Variants in RNF216 observed in about 807,000 individuals in gnomAD.
RNF216 encodes E3 ubiquitin-protein ligase RNF216.
RNF216 carries 72 observed loss-of-function variants against 110.8 expected under a neutral mutation model. That is an observed-to-expected ratio of 0.65 (90% CI 0.54 to 0.79). The LOEUF (loss-of-function observed/expected upper bound fraction) is 0.79, where lower values mean the gene tolerates loss of function less well. Ranked by LOEUF, RNF216 falls within the 30% of genes least tolerant of loss-of-function variation. The pLI, the probability that RNF216 is intolerant of heterozygous loss-of-function variation, is 0.00. For missense variants in RNF216, 1,342 were observed against 1,141.2 expected (o/e 1.18, Z -2.54); for synonymous variants, 495 against 407.5 (o/e 1.21, Z -2.59).
intron 13 of RNF216, 81 bp downstream of exon 13, chr7:5,711,680 A>G (rs1289156106): frequency 9.2e-7 from 1 of 1,086,912 alleles, no homozygotes; most frequent in Non-Finnish European, 1.4e-6. Context: ...GCAGTCAGGT[A>G]AACAGCAGAT....
intron 11 of RNF216, chr7:5,713,281 A>C (rs192754007): frequency 4.4e-4 from 70 of 158,404 alleles, no homozygotes; most frequent in Admixed American, 9.2e-4. Flanking sequence ...AAACAGGGAC[A>C]TGGGTGGAGC....
chr7:5,639,218 C>T (rs1787583830), intron 15 of RNF216, among the ~76,000 whole-genome samples: 1 of 152,132 alleles, frequency 6.6e-6, no homozygotes, highest in Non-Finnish European at 1.5e-5. Flanking sequence ...AGCCCCTTTG[C>T]TGCTTGGAAT....
chr7:5,729,563 A>G lies in RNF216; in HGVS notation c.1258T>C (p.Leu420=). Residue 420 remains leucine (L), a synonymous_variant, in exon 7 of 17, where the codon TTG becomes CTG. Coordinates refer to ENST00000389902, the MANE Select transcript of RNF216 (RefSeq NM_207111.4). ...AAGCAGCGCTGGTCAAGAGGGGTCAATTTAGAATAGTCAAAAAAGTCTATT... is the reference window on the plus strand; with the variant it reads ...AAGCAGCGCTGGTCAAGAGGGGTCAGTTTAGAATAGTCAAAAAAGTCTATT... The part of the protein sequence containing the change: ...PKIDFFDYSK[L]TPLDQRCFIQ... The G allele has an allele frequency of 6.2e-7, 1 of 1,614,242 alleles. No individual in the cohort carries two copies.
intron 5 of RNF216, among the ~76,000 whole-genome samples, chr7:5,737,016 G>C (rs1287992090): frequency 1.3e-5 from 2 of 152,228 alleles, no homozygotes; most frequent in African/African-American, 4.8e-5. Context: ...ACCCCGTCTG[G>C]GAGGTGTTCC....
At chr7:5,768,646 T>C (rs1380883782) in intron 1 of RNF216, among the ~76,000 whole-genome samples, 1 of 149,616 alleles carries the variant, frequency 6.7e-6, no homozygotes, top group Non-Finnish European at 1.5e-5. Flanking sequence ...TTCTGAAATG[T>C]GAGAAATGAA....
intron 8 of RNF216, 31 bp downstream of exon 8, chr7:5,725,293 T>C: frequency 8.0e-7 from 1 of 1,256,278 alleles, no homozygotes; most frequent in Non-Finnish European, 1.2e-6. Context: ...GTGTTGCAGC[T>C]ACACACTGCC....
rs776647258 is a variant in RNF216 at position 5,725,301 on chromosome 7, G to A, written c.1504+23C>T. ...AGGTACAGTGTTGCAGCTACACACT[G>A]CCACCAACACAGTTTGCATTACCTT... On this transcript the variant is annotated intron_variant, in intron 8 of 16. Transcript: ENST00000389902. 170 of 1,335,892 alleles carry A rather than the reference G, an allele frequency of 1.3e-4. No homozygotes were observed. In the Admixed American group the frequency reaches 2.7e-3, roughly 22 times the overall value. The allele number at this position is 1,335,892 out of a possible 1,614,324, so 82.8% of individuals were successfully genotyped here. A position where few individuals can be genotyped will look rare whatever the true frequency, so the allele number is the denominator to read the frequency against.
chr7:5,689,462 A>T (rs1366184084), intron 13 of RNF216, among the ~76,000 whole-genome samples: 2 of 152,036 alleles, frequency 1.3e-5, no homozygotes, highest in Non-Finnish European at 2.9e-5. Context: ...TCTGTTGTCA[A>T]GTGATCAATA....
chr7:5,754,120 GT>G (rs1379756293), intron 2 of RNF216, among the ~76,000 whole-genome samples: 94 of 6,062 alleles, frequency 0.016, no homozygotes, highest in East Asian at 0.12. Flanking sequence ...CTTTTGTGTG[GT>G]GTGTGTGTGT....
chr7:5,671,468 G>A (rs943750848), intron 13 of RNF216, among the ~76,000 whole-genome samples: 4 of 152,140 alleles, frequency 2.6e-5, no homozygotes, highest in Non-Finnish European at 5.9e-5. Flanking sequence ...TATTAAATGA[G>A]GCTGATGGGG....
chr7:5,721,640 C>T (rs1793433103), intron 8 of RNF216, among the ~76,000 whole-genome samples: 1 of 152,220 alleles, frequency 6.6e-6, no homozygotes, highest in African/African-American at 2.4e-5. Context: ...TACCAGTTTA[C>T]ACCCTTCCTC....
chr7:5,708,449 A>G (rs971497069), intron 13 of RNF216, among the ~76,000 whole-genome samples: 1 of 152,210 alleles, frequency 6.6e-6, no homozygotes, highest in Non-Finnish European at 1.5e-5. Flanking sequence ...CAATGGTTTT[A>G]CACTTTTTGA....
In RNF216 at chr7:5,731,936, G is replaced by A. The variant is rs182089747; in HGVS notation, c.1122-1119C>T. On this transcript the variant is annotated intron_variant, in intron 5 of 16. Transcript: ENST00000389902. ...GTTCATTGATTCTGCAGCCCCCGCC[G>A]GGGACCCACGTCAAAGCCTTCTCCC... 4.6e-5 allele frequency among the ~76,000 whole-genome samples: 7 copies of A among 152,178 alleles called. No homozygotes were observed. In the East Asian group the frequency reaches 7.7e-4, roughly 17 times the overall value.
At chr7:5,704,900 G>T (rs1792188423) in intron 13 of RNF216, among the ~76,000 whole-genome samples, 1 of 152,072 alleles carries the variant, frequency 6.6e-6, no homozygotes, top group South Asian at 2.1e-4. Flanking sequence ...GTTATCCATA[G>T]GTGAAAGTCA....
Sources: gnomAD v4.1 joint callset for allele counts (sites outside exome capture counted in the v4.1 genomes callset) on GRCh38, gnomAD v4.1.1 for gene constraint, MANE v1.5 for transcripts, NCBI Gene and HGNC (gene_info 2026-07-23, HGNC 2026-07-21) for gene names.